SLC25A18: variants seen among roughly 807,000 people sequenced by gnomAD.
The protein encoded by SLC25A18 is solute carrier family 25 member 18, also known as mitochondrial glutamate carrier 2.
A neutral mutation model predicts 31.1 loss-of-function variants in SLC25A18; 24 were observed. The observed-to-expected ratio is 0.77, with a 90% CI of 0.56 to 1.08. The LOEUF is 1.08. Ranked by LOEUF, SLC25A18 falls within the 50% of genes least tolerant of loss-of-function variation. SLC25A18 has a pLI of 0.00. For missense variants in SLC25A18, 371 were observed against 418.5 expected, an observed-to-expected ratio of 0.89 and a Z score of 0.99; for synonymous variants, 173 against 161.9, an observed-to-expected ratio of 1.07 and a Z score of -0.52.
intron 3 of SLC25A18, chr22:17,580,420 C>G (rs2057341972): frequency 1.9e-6 from 1 of 532,712 alleles, no homozygotes; most frequent in South Asian, 8.1e-5. Context: ...CTATACCCAG[C>G]AGGGTGGGGG....
chr22:17,569,637 C>G (rs1489040077), intron 1 of SLC25A18: 1 of 985,314 alleles, frequency 1.0e-6, no homozygotes. Context: ...CCCTCACCCC[C>G]AAGCTGCCTT....
chr22:17,568,840 C>T (rs912779477), intron 1 of SLC25A18, among the ~76,000 whole-genome samples: 2 of 151,692 alleles, frequency 1.3e-5, no homozygotes, highest in Non-Finnish European at 2.9e-5. Context: ...GGATTACAGG[C>T]GTGAGCAACC....
intron 3 of SLC25A18, 112 bp from the exon 4 acceptor site, chr22:17,580,925 G>T: frequency 1.4e-6 from 2 of 1,455,592 alleles, no homozygotes; most frequent in Non-Finnish European, 1.8e-6. Flanking sequence ...CTGGACACCT[G>T]TGGGGCTGGG....
At chr22:17,572,624 T>A (rs2146217009) in intron 2 of SLC25A18, among the ~76,000 whole-genome samples, 1 of 149,176 alleles carries the variant, frequency 6.7e-6, no homozygotes, top group African/African-American at 2.5e-5. Flanking sequence ...CGAGACCCCA[T>A]CTCTACAAAT....
chr22:17,578,526 A>G (rs1173430598), intron 2 of SLC25A18, among the ~76,000 whole-genome samples: 1 of 152,218 alleles, frequency 6.6e-6, no homozygotes, highest in Non-Finnish European at 1.5e-5. Context: ...GGGACCCTAA[A>G]GCAGCTTCAG....
intron 9 of SLC25A18, chr22:17,589,311 G>T: frequency 3.2e-6 from 1 of 317,294 alleles, no homozygotes; most frequent in South Asian, 2.8e-5. Context: ...CTCATGAGTA[G>T]CTGGGACTAC....
intron 1 of SLC25A18, among the ~76,000 whole-genome samples, chr22:17,567,927 T>G (rs2146204055): frequency 6.6e-6 from 1 of 152,076 alleles, no homozygotes; most frequent in Non-Finnish European, 1.5e-5. Context: ...GTCACGAGAG[T>G]ATACTGAACA....
chr22:17,571,499 C>T (rs1054448358), intron 2 of SLC25A18, among the ~76,000 whole-genome samples: 1 of 152,152 alleles, frequency 6.6e-6, no homozygotes, highest in Non-Finnish European at 1.5e-5. Context: ...CCAGCCGGGG[C>T]GCAGTGGCTC....
At chr22:17,580,475 T>TC in intron 3 of SLC25A18, 1 of 970,936 alleles carries the variant, frequency 1.0e-6, no homozygotes, top group Non-Finnish European at 1.2e-6. Context: ...TGGAACTAGG[T>TC]CACCTCAAGG....
intron 6 of SLC25A18, among the ~76,000 whole-genome samples, chr22:17,583,044 C>T (rs535916757): frequency 7.4e-5 from 11 of 148,976 alleles, no homozygotes; most frequent in East Asian, 3.9e-4. Context: ...CACTGCACTT[C>T]GGCGTGGGTC....
In SLC25A18 at chr22:17,590,307, A is replaced by C. The variant is rs937895452; in HGVS notation, c.*71A>C. 1.3e-6 allele frequency: 2 copies of C among 1,597,918 alleles called. No individual in the cohort carries two copies. The highest frequency in any genetic ancestry group is 2.7e-5 in the African/African-American group (2 of 74,564). ...CTGTTTCACTTAGCCTAGAGGGGGC[A>C]AGGGCAGGTGGGGCCACTCTGGCCT... On this transcript the variant is annotated 3_prime_UTR_variant, in exon 11 of 11. Transcript: ENST00000327451.
intron 2 of SLC25A18, among the ~76,000 whole-genome samples, chr22:17,573,946 A>G (rs1343589154): frequency 6.6e-6 from 1 of 152,176 alleles, no homozygotes; most frequent in Non-Finnish European, 1.5e-5. Flanking sequence ...TTTCCCCCTT[A>G]AAAGCATTCA....
At chr22:17,581,008 C>CTCCTCCCCCTG (rs759041961) in intron 3 of SLC25A18, 29 bp from the exon 4 acceptor site, 1,043 of 1,528,770 alleles carry the variant, frequency 6.8e-4, no homozygotes, top group Non-Finnish European at 8.5e-4. Flanking sequence ...CTCTGCCTCT[C>CTCCTCCCCCTG]TCCTCCCCCT....
chr22:17,581,552 G>C (rs1328152118), intron 5 of SLC25A18, 139 bp downstream of exon 5: 1 of 922,074 alleles, frequency 1.1e-6, no homozygotes, highest in Non-Finnish European at 1.7e-6. Flanking sequence ...CTGTGCTCTT[G>C]GGTGGAGACA....
chr22:17,578,006 A>G (rs982828448), intron 2 of SLC25A18, among the ~76,000 whole-genome samples: 11 of 142,082 alleles, frequency 7.7e-5, no homozygotes, highest in African/African-American at 2.9e-4. Flanking sequence ...TTTGGGGGGC[A>G]TAGGGTTTCG....
chr22:17,579,207 G>A (rs2057309113), intron 2 of SLC25A18, among the ~76,000 whole-genome samples: 1 of 151,886 alleles, frequency 6.6e-6, no homozygotes, highest in African/African-American at 2.4e-5. Flanking sequence ...TCCTACCTCA[G>A]CCCCCCAGGT....
intron 9 of SLC25A18, 104 bp downstream of exon 9, chr22:17,588,183 T>G: frequency 7.1e-7 from 1 of 1,407,618 alleles, no homozygotes; most frequent in Middle Eastern, 2.2e-4. Flanking sequence ...GCAATCTGGC[T>G]GCTGGCGGAG....
Position 17,574,187 on chromosome 22 carries a change from T to C in SLC25A18, c.-201+4201T>C, listed in dbSNP as rs149201333. 2.2e-3 allele frequency among the ~76,000 whole-genome samples: 331 copies of C among 152,312 alleles called. 1 individual carries two copies. The highest frequency in any genetic ancestry group is 7.7e-3 in the African/African-American group (319 of 41,582). ...AAGCAGAGGTTGCAGTGAGCTGAGA[T>C]TGCGCCACGGCGCTCCACCCTGGGC... On this transcript the variant is annotated intron_variant, in intron 2 of 10. Transcript: ENST00000327451.
Position 17,590,117 on chromosome 22 carries a change from C to CCAT in SLC25A18, c.831_833dup (p.Ser278dup), listed in dbSNP as rs1261184747. 4.3e-6 allele frequency: 7 copies of CCAT among 1,614,074 alleles called. No homozygotes were observed. The highest frequency in any genetic ancestry group is 5.9e-6 in the Non-Finnish European group (7 of 1,180,060). ...CAGGAAACTCTGGATTCAGGAGGGA[C>CCAT]CATCTGCCTTCATGAAAGGCGCTGG... On this transcript the variant is annotated inframe_insertion, in exon 11 of 11. Transcript: ENST00000327451.
Sources: allele counts gnomAD v4.1 joint callset (sites outside exome capture counted in the v4.1 genomes callset), GRCh38; gene constraint gnomAD v4.1.1; transcripts MANE v1.5; gene names NCBI Gene and HGNC (gene_info 2026-07-23, HGNC 2026-07-21).